Variants in WWP2 observed in about 807,000 individuals in gnomAD.
WWP2 encodes the protein WW domain containing E3 ubiquitin protein ligase 2.
In WWP2, 57 loss-of-function variants were observed where a neutral mutation model predicts 121.0. The observed-to-expected ratio is 0.47, with a 90% CI of 0.38 to 0.59. The LOEUF is 0.59. Among genes scored for constraint, WWP2 ranks in the 20% least tolerant of loss-of-function variants. The probability of loss-of-function intolerance (pLI) is 0.00; values close to 1 mark genes in which losing one functional copy is unlikely to be tolerated. For missense variants in WWP2, 962 were observed against 1,158.9 expected (o/e 0.83, Z 2.47); for synonymous variants, 449 against 441.3 (o/e 1.02, Z -0.22).
chr16:69,803,618 A>G (rs375528053), intron 4 of WWP2, among the ~76,000 whole-genome samples: 23 of 152,250 alleles, frequency 1.5e-4, no homozygotes, highest in African/African-American at 4.1e-4. Flanking sequence ...TTGTTAAGAA[A>G]GTAAAGGAAG....
intron 1 of WWP2, among the ~76,000 whole-genome samples, chr16:69,769,874 CTTTTTTT>C (rs71151134): frequency 9.8e-6 from 1 of 102,236 alleles, no homozygotes; most frequent in Non-Finnish European, 2.1e-5. Context: ...TGATCAGTGT[CTTTTTTT>C]TTTTTTTTTT....
In WWP2 at chr16:69,934,147, G is replaced by A. The variant is rs373804082; in HGVS notation, c.1842+18G>A. ...TCGCCATGGTAAGGGGGCCCCAGGG[G>A]TCTGCCTAGTTCCCTCCTCCTCTCC... On this transcript the variant is annotated intron_variant, in intron 17 of 23. Coordinates refer to ENST00000359154, the MANE Select transcript of WWP2 (RefSeq NM_001270454.2). 28 of 1,613,768 alleles carry A rather than the reference G, an allele frequency of 1.7e-5. 1 individual carries two copies. The highest frequency in any genetic ancestry group is 7.7e-5 in the South Asian group (7 of 91,070).
In WWP2 at chr16:69,909,258, G is replaced by A. The variant is rs2058346102; in HGVS notation, c.1004+408G>A. The A allele has an allele frequency of 5.0e-6, 5 of 992,102 alleles. No homozygotes were observed. In the South Asian group the frequency reaches 2.3e-4, roughly 46 times the overall value. The allele number at this position is 992,102 out of a possible 1,614,324, so 61.5% of individuals were successfully genotyped here. A position where few individuals can be genotyped will look rare whatever the true frequency, so the allele number is the denominator to read the frequency against. On this transcript the variant is annotated intron_variant, in intron 9 of 23. Coordinates refer to ENST00000359154, the MANE Select transcript of WWP2 (RefSeq NM_001270454.2). Reference sequence around the variant, plus strand: ...TCAAGGAGAAGGGGTTTGGTTCCCTGTCTGCCAGGGACAGAAAGTTCTTTC... The same window carrying A: ...TCAAGGAGAAGGGGTTTGGTTCCCTATCTGCCAGGGACAGAAAGTTCTTTC...
intron 4 of WWP2, among the ~76,000 whole-genome samples, chr16:69,803,614 A>G (rs539239332): frequency 6.6e-6 from 1 of 152,270 alleles, no homozygotes; most frequent in East Asian, 1.9e-4. Flanking sequence ...AAATTTGTTA[A>G]GAAAGTAAAG....
At chr16:69,892,383 C>A (rs1366034838) in intron 8 of WWP2, among the ~76,000 whole-genome samples, 2 of 151,848 alleles carry the variant, frequency 1.3e-5, no homozygotes, top group South Asian at 2.1e-4. Context: ...TGTGGTGTTC[C>A]CCTCCCTGTG....
At chr16:69,920,854 G>A (rs2058551211) in intron 10 of WWP2, among the ~76,000 whole-genome samples, 1 of 152,054 alleles carries the variant, frequency 6.6e-6, no homozygotes, top group Non-Finnish European at 1.5e-5. Flanking sequence ...CACTAGTTAG[G>A]TTCTGTGGGT....
rs1402304190 is a variant in WWP2 at position 69,840,005 on chromosome 16, G to A, written c.341-121G>A. On this transcript the variant is annotated intron_variant, in intron 4 of 23. Transcript: ENST00000359154. ...TCCATGCCACGAGGCAAAATGTGAAGATGTGGAGAAAGCATTCCCAGAGAA... is the reference window on the plus strand; with the variant it reads ...TCCATGCCACGAGGCAAAATGTGAAAATGTGGAGAAAGCATTCCCAGAGAA... 11 of 1,393,248 alleles carry A rather than the reference G, an allele frequency of 7.9e-6. No individual in the cohort carries two copies. In the African/African-American group the frequency reaches 1.4e-4, roughly 18 times the overall value. 86.3% of individuals were successfully genotyped at this position (1,393,248 alleles called of 1,614,324 possible).
At chr16:69,921,520 C>T (rs2058561218) in intron 10 of WWP2, among the ~76,000 whole-genome samples, 1 of 152,264 alleles carries the variant, frequency 6.6e-6, no homozygotes, top group African/African-American at 2.4e-5. Flanking sequence ...CACACACCTT[C>T]TCCAGTTCCT....
chr16:69,882,302 G>A (rs2057845306), intron 7 of WWP2, among the ~76,000 whole-genome samples: 1 of 151,966 alleles, frequency 6.6e-6, no homozygotes, highest in Non-Finnish European at 1.5e-5. Context: ...ATGTCAGGTG[G>A]TTTTATTTCA....
intron 8 of WWP2, among the ~76,000 whole-genome samples, chr16:69,892,554 G>A (rs1199855882): frequency 6.6e-6 from 1 of 151,944 alleles, no homozygotes; most frequent in African/African-American, 2.4e-5. Flanking sequence ...CTTTTTTTGA[G>A]ACATTGTCTT....
At position 69,871,840 on chromosome 16, in the gene WWP2, C is replaced by G. The variant is rs149500742; in HGVS notation, c.612C>G (p.Thr204=). The change falls in exon 7 of 24, where the codon ACC becomes ACG. Residue 204 remains threonine (T), a synonymous_variant. Transcript: ENST00000359154. ...ATTCGGGTGCTTCAGCCAGAACAAC[C>G]CCAGCAACCGGCGAGCAAAGCCCCG... ...HRHSGASART[T]PATGEQSPGA... is the part of the protein sequence containing the mutation. The G allele has an allele frequency of 5.0e-6, 8 of 1,614,018 alleles. No individual in the cohort carries two copies. The highest frequency in any genetic ancestry group is 3.3e-5 in the Admixed American group (2 of 60,006).
chr16:69,928,360 G>GTT (rs141764486), intron 11 of WWP2, among the ~76,000 whole-genome samples: 35 of 148,842 alleles, frequency 2.4e-4, no homozygotes, highest in African/African-American at 8.4e-4. Flanking sequence ...CTAGTTTTTT[G>GTT]TTTTTTTTTT....
intron 6 of WWP2, among the ~76,000 whole-genome samples, chr16:69,853,221 TG>T (rs1185147140): frequency 5.3e-5 from 8 of 152,226 alleles, no homozygotes; most frequent in Non-Finnish European, 7.4e-5. Flanking sequence ...GGATTTAATA[TG>T]GGGAATTAGA....
Position 69,939,031 on chromosome 16 carries a change from T to C in WWP2, c.2348T>C (p.Val783Ala), listed in dbSNP as rs1475609729. ...CCTTGACTTGCGGACTTCCAGGTGG[T>C]GAAGGAGATGGACAACGAGAAGAGG... is the stretch of plus-strand genomic sequence containing the variant. The part of the protein sequence containing the change: ...SKQIQWFWQV[V>A]KEMDNEKRIR... The change falls in exon 22 of 24, where the codon GTG becomes GCG. Residue 783 changes from valine (V) to alanine (A), a missense_variant. Val to Ala is a moderately conservative substitution (Grantham distance 64). Around this residue, in one of 3 missense-constraint regions of WWP2, gnomAD observed 606 missense variants for 772.6 expected, o/e 0.78. Transcript: ENST00000359154. 1.2e-6 allele frequency: 2 copies of C among 1,601,360 alleles called. No homozygotes were observed. The highest frequency in any genetic ancestry group is 2.2e-5 in the South Asian group (2 of 89,118).
chr16:69,936,635 T>A (rs1390596178), intron 19 of WWP2, 183 bp downstream of exon 19: 3 of 785,464 alleles, frequency 3.8e-6, no homozygotes, highest in Admixed American at 2.8e-5. Context: ...AAAGCCGAGG[T>A]CCTTAGTTAC....
rs1335741128 is a variant in WWP2 at position 69,925,159 on chromosome 16, G to A, written c.1180-271G>A. 1.2e-5 allele frequency: 15 copies of A among 1,227,168 alleles called. No homozygotes were observed. In the Admixed American group the frequency reaches 1.6e-4, roughly 13 times the overall value. 76.0% of individuals were successfully genotyped at this position (1,227,168 alleles called of 1,614,324 possible). A position where few individuals can be genotyped will look rare whatever the true frequency, so the allele number is the denominator to read the frequency against. On this transcript the variant is annotated intron_variant, in intron 10 of 23. Coordinates refer to ENST00000359154, the MANE Select transcript of WWP2 (RefSeq NM_001270454.2). The surrounding 1 kb of genome is among the most constrained non-coding windows in gnomAD (Gnocchi z 4.0). ...CCGCCACCCTGGCACACCTTCACCCGCGTACCGCCTCCTCCCCGTCGCTCT... is the reference window on the plus strand; with the variant it reads ...CCGCCACCCTGGCACACCTTCACCCACGTACCGCCTCCTCCCCGTCGCTCT...
intron 4 of WWP2, among the ~76,000 whole-genome samples, chr16:69,821,094 T>C (rs1031984572): frequency 6.6e-6 from 1 of 152,228 alleles, no homozygotes; most frequent in African/African-American, 2.4e-5. Flanking sequence ...ACTGTTTTTT[T>C]GATTGGCACC....
chr16:69,877,729 GGAGAGAGA>G (rs145236505), intron 7 of WWP2, among the ~76,000 whole-genome samples: 1 of 150,586 alleles, frequency 6.6e-6, no homozygotes, highest in Non-Finnish European at 1.5e-5. Context: ...TAGGGTATAA[GGAGAGAGA>G]GAGAGAGAGA....
chr16:69,871,326 T>G (rs2057632728), intron 6 of WWP2, among the ~76,000 whole-genome samples: 1 of 152,176 alleles, frequency 6.6e-6, no homozygotes, highest in African/African-American at 2.4e-5. Context: ...ACATATGCAT[T>G]GACTAAAAGT....
Sources: gnomAD v4.1 joint callset for allele counts (sites outside exome capture counted in the v4.1 genomes callset) on GRCh38, gnomAD v4.1.1 for gene constraint, gnomAD v4.1.1 regional missense constraint, Gnocchi (gnomAD v3.1) non-coding constraint, MANE v1.5 for transcripts, NCBI Gene and HGNC (gene_info 2026-07-23, HGNC 2026-07-21) for gene names.